Variants in OXSR1 observed in about 807,000 individuals in gnomAD.
The protein encoded by OXSR1 is oxidative stress responsive kinase 1.
In OXSR1, 24 loss-of-function variants were observed where a neutral mutation model predicts 79.8. The ratio of observed to expected loss-of-function variants is 0.30; its 90% CI spans 0.22 to 0.42. OXSR1 has a LOEUF of 0.42. OXSR1 is among the 10% of genes least tolerant of loss of function. The pLI is 1.00. For missense variants in OXSR1, 430 were observed against 618.4 expected (o/e 0.70, Z 3.23); for synonymous variants, 226 against 209.2 (o/e 1.08, Z -0.69).
chr3:38,246,333 A>G, intron 13 of OXSR1, 112 bp downstream of exon 13: 1 of 1,017,034 alleles, frequency 9.8e-7, no homozygotes, highest in Middle Eastern at 2.2e-4. Flanking sequence ...TAGATTTTGA[A>G]ACAAGTTAGA....
chr3:38,236,757 A>G, intron 10 of OXSR1, 82 bp from the exon 11 acceptor site: 1 of 1,273,774 alleles, frequency 7.9e-7, no homozygotes, highest in Non-Finnish European at 1.1e-6. Context: ...GATTGAAGTG[A>G]TAGAAGAAGA....
intron 1 of OXSR1, among the ~76,000 whole-genome samples, chr3:38,177,492 TCAAAA>T (rs1254222086): frequency 6.6e-6 from 1 of 152,254 alleles, no homozygotes; most frequent in African/African-American, 2.4e-5. Flanking sequence ...TAAACTGTTG[TCAAAA>T]TTGTTTATGT....
At chr3:38,207,461 G>A (rs953502500) in intron 4 of OXSR1, among the ~76,000 whole-genome samples, 2 of 152,136 alleles carry the variant, frequency 1.3e-5, no homozygotes, top group East Asian at 1.9e-4. Context: ...GGAAGGAAAG[G>A]GGAAATAGAG....
chr3:38,208,649 TCC>T (rs1245758707), intron 4 of OXSR1, among the ~76,000 whole-genome samples: 1 of 152,188 alleles, frequency 6.6e-6, no homozygotes, highest in Admixed American at 6.5e-5. Flanking sequence ...ACGCCTGTAA[TCC>T]CAGCACTTTG....
chr3:38,236,283 A>G (rs1702917024), intron 10 of OXSR1, among the ~76,000 whole-genome samples: 1 of 152,202 alleles, frequency 6.6e-6, no homozygotes, highest in South Asian at 2.1e-4. Context: ...TAAAACCAAA[A>G]AATCAGTGAA....
At chr3:38,221,483 T>C in intron 5 of OXSR1, 95 bp from the exon 6 acceptor site, 1 of 652,638 alleles carries the variant, frequency 1.5e-6, no homozygotes, top group East Asian at 2.7e-5. Flanking sequence ...ATGCTTTTTA[T>C]TTATATATAG....
chr3:38,168,001 A>C (rs954482438), intron 1 of OXSR1, among the ~76,000 whole-genome samples: 1 of 152,006 alleles, frequency 6.6e-6, no homozygotes. Context: ...TCAGAGTTGC[A>C]AAGGCGCTAG....
Position 38,224,669 on chromosome 3 carries a change from G to T in OXSR1, c.801G>T (p.Met267Ile). The change falls in exon 8 of 18, where the codon ATG (methionine) becomes ATT (isoleucine). Residue 267 changes from methionine to isoleucine, a missense_variant. Met to Ile is a conservative substitution (Grantham distance 10, BLOSUM62 1). Around this residue, in one of 3 missense-constraint regions of OXSR1, gnomAD observed 276 missense variants for 354.2 expected, o/e 0.78. Transcript: ENST00000311806. Reference sequence around the variant, plus strand: ...AATATGGAAAATCATTTAGAAAAATGATTTCATTGTGCCTTCAAAAAGATC... The same window carrying T: ...AATATGGAAAATCATTTAGAAAAATTATTTCATTGTGCCTTCAAAAAGATC... ...LKKYGKSFRK[M>I]ISLCLQKDPE... is the part of the protein sequence containing the mutation. The T allele has an allele frequency of 1.3e-6, 2 of 1,585,724 alleles. No homozygotes were observed. Among genetic ancestry groups the T allele is most frequent in the South Asian group, 2.3e-5 (2 of 86,486 alleles).
intron 8 of OXSR1, among the ~76,000 whole-genome samples, chr3:38,226,321 A>G (rs1702688143): frequency 6.6e-6 from 1 of 152,170 alleles, no homozygotes; most frequent in African/African-American, 2.4e-5. Context: ...CTGAAAAGAT[A>G]CAAAATTAAG....
At chr3:38,190,628 A>G in intron 2 of OXSR1, 103 bp from the exon 3 acceptor site, 1 of 665,554 alleles carries the variant, frequency 1.5e-6, no homozygotes, top group Non-Finnish European at 2.7e-6. Flanking sequence ...GATCCCAGAA[A>G]GGTGTGACAC....
chr3:38,199,232 G>A (rs543857804), intron 4 of OXSR1, among the ~76,000 whole-genome samples: 4 of 150,828 alleles, frequency 2.7e-5, no homozygotes, highest in Non-Finnish European at 5.9e-5. Context: ...ATTATTAAAA[G>A]CTTTTTATAA....
chr3:38,236,496 T>C (rs929449315), intron 10 of OXSR1, among the ~76,000 whole-genome samples: 3 of 152,010 alleles, frequency 2.0e-5, no homozygotes, highest in African/African-American at 7.2e-5. Flanking sequence ...AGATTTTAAA[T>C]CTTGGGTTTA....
intron 5 of OXSR1, among the ~76,000 whole-genome samples, chr3:38,218,413 A>G (rs1300642712): frequency 6.6e-6 from 1 of 152,126 alleles, no homozygotes; most frequent in African/African-American, 2.4e-5. Flanking sequence ...TTCCCTATTG[A>G]TTAGTGATGG....
At chr3:38,170,405 C>T (rs1170427338) in intron 1 of OXSR1, among the ~76,000 whole-genome samples, 1 of 152,002 alleles carries the variant, frequency 6.6e-6, no homozygotes, top group East Asian at 1.9e-4. Flanking sequence ...TGATGTTTAT[C>T]ATTTTTTTCT....
chr3:38,236,859 C>T lies in OXSR1; in HGVS notation c.972C>T (p.Ser324=). 1 of 1,611,550 alleles carries T rather than the reference C, an allele frequency of 6.2e-7. No individual in the cohort carries two copies. Among genetic ancestry groups the T allele is most frequent in the Non-Finnish European group, 8.5e-7 (1 of 1,178,360 alleles). The change falls in exon 11 of 18, where the codon TCC becomes TCT. Residue 324 remains serine, a synonymous_variant. Transcript: ENST00000311806. ...RAKKVRRVPG[S]SGRLHKTEDG... The stretch of plus-strand genomic sequence containing the variant: ...AGCAGGTTCGGAGAGTACCAGGTTC[C>T]AGTGGGCGTCTTCATAAGACAGAGG...
chr3:38,241,340 A>G (rs562165836), intron 11 of OXSR1, among the ~76,000 whole-genome samples: 28 of 152,292 alleles, frequency 1.8e-4, no homozygotes, highest in Admixed American at 5.9e-4. Flanking sequence ...GATTTTAAAA[A>G]TCTAAGAAAC....
chr3:38,201,100 C>T (rs903051036), intron 4 of OXSR1, among the ~76,000 whole-genome samples: 17 of 152,036 alleles, frequency 1.1e-4, no homozygotes, highest in African/African-American at 2.7e-4. Context: ...GAAATGGGGT[C>T]GTGCTGTGTC....
At chr3:38,178,508 G>A (rs1429356523) in intron 1 of OXSR1, among the ~76,000 whole-genome samples, 4 of 149,822 alleles carry the variant, frequency 2.7e-5, no homozygotes, top group Non-Finnish European at 4.4e-5. Flanking sequence ...GGGTGGTCTC[G>A]GCTCACTACA....
In OXSR1 at chr3:38,253,882, C is replaced by G; in HGVS notation, c.*991C>G. ...CCTGCCTTCTGCCTGCTCTCCTGCA[C>G]TGACCCTTTGGAGGGGGTCTCTGTG... On this transcript the variant is annotated 3_prime_UTR_variant, in exon 18 of 18. Transcript: ENST00000311806. The G allele has an allele frequency of 3.7e-6, 1 of 272,730 alleles. No individual in the cohort carries two copies. The highest frequency in any genetic ancestry group is 6.8e-6 in the Non-Finnish European group (1 of 146,594). The allele number at this position is 272,730 out of a possible 1,614,324, so 16.9% of individuals were successfully genotyped here.
Sources: gnomAD v4.1 joint callset for allele counts (sites outside exome capture counted in the v4.1 genomes callset) on GRCh38, gnomAD v4.1.1 for gene constraint, gnomAD v4.1.1 regional missense constraint, MANE v1.5 for transcripts, NCBI Gene and HGNC (gene_info 2026-07-23, HGNC 2026-07-21) for gene names.